WNK2: variants seen among roughly 807,000 people sequenced by gnomAD.
WNK2 encodes WNK lysine deficient protein kinase 2, also known as serine/threonine-protein kinase WNK2.
A neutral mutation model predicts 192.1 loss-of-function variants in WNK2; 67 were observed. That is an observed-to-expected ratio of 0.35 (90% CI 0.29 to 0.43). The LOEUF (loss-of-function observed/expected upper bound fraction) is 0.43. Among genes scored for constraint, WNK2 ranks in the 20% least tolerant of loss-of-function variants. WNK2 has a pLI of 1.00. For synonymous variants in WNK2, 1,439 were observed against 1,393.9 expected, an observed-to-expected ratio of 1.03 and a Z score of -0.72; for missense variants, 2,698 against 3,089.7, an observed-to-expected ratio of 0.87 and a Z score of 3.01.
chr9:93,185,805 C>T (rs572554540), intron 2 of WNK2, among the ~76,000 whole-genome samples, 195 bp downstream of exon 2: 13 of 152,178 alleles, frequency 8.5e-5, no homozygotes, highest in Non-Finnish European at 1.5e-4. Flanking sequence ...TGGCTGTGTC[C>T]GTGCGCAGGT....
At chr9:93,306,909 C>A in intron 27 of WNK2, 88 bp downstream of exon 27, 1 of 1,561,496 alleles carries the variant, frequency 6.4e-7, no homozygotes, top group Non-Finnish European at 8.8e-7. Context: ...CGCGGCCGGG[C>A]GGGCGTGGGC....
In WNK2 at chr9:93,247,778, A is replaced by T; in HGVS notation, c.1778A>T (p.Glu593Val). The change falls in exon 8 of 30, where the codon GAG (glutamate) becomes GTG (valine). Residue 593 changes from glutamate to valine, a missense_variant. Around this residue, in one of 7 missense-constraint regions of WNK2, gnomAD observed 893 missense variants for 909.0 expected, o/e 0.98. Transcript: ENST00000427277. This position sits in a 1 kb window ranked among gnomAD's most constrained non-coding sequence, Gnocchi z 5.2. ...GGGCCACCAGAGCCCGAGGAGCCGG[A>T]GGCCGACCAGCACCTCCTGCCACCT... ...QPGPPEPEEP[E>V]ADQHLLPPTL... The T allele has an allele frequency of 6.5e-7, 1 of 1,548,912 alleles. No homozygotes were observed. The highest frequency in any genetic ancestry group is 1.9e-5 in the Admixed American group (1 of 51,336).
At chr9:93,303,770 TC>T (rs1852005345) in intron 26 of WNK2, among the ~76,000 whole-genome samples, 1 of 152,188 alleles carries the variant, frequency 6.6e-6, no homozygotes, top group African/African-American at 2.4e-5. Flanking sequence ...GCCCCAGGTC[TC>T]CCTGGGCAGA....
At position 93,185,038 on chromosome 9, in the gene WNK2, G is replaced by C; in HGVS notation, c.109G>C (p.Gly37Arg). ...GCCTCGGGCGAAGGCGGCGCGGCCG[G>C]GGCCCCAGCGCTTTCTGCGGCGCAG... ...AEPRAKAARP[G>R]PQRFLRRSVV... The change falls in exon 2 of 30, where the codon GGG becomes CGG. Residue 37 changes from glycine to arginine, a missense_variant. Physicochemically the swap from Gly to Arg is moderately radical, Grantham distance 125 (BLOSUM62 -2). Around this residue, in one of 7 missense-constraint regions of WNK2, gnomAD observed 260 missense variants for 285.6 expected, o/e 0.91. Transcript: ENST00000427277. 1 of 1,276,116 alleles carries C rather than the reference G, an allele frequency of 7.8e-7. No homozygotes were observed. The highest frequency in any genetic ancestry group is 9.9e-7 in the Non-Finnish European group (1 of 1,012,828). 79.0% of individuals were successfully genotyped at this position (1,276,116 alleles called of 1,614,324 possible).
At chr9:93,220,168 G>A (rs1331615503) in intron 2 of WNK2, among the ~76,000 whole-genome samples, 1 of 152,184 alleles carries the variant, frequency 6.6e-6, no homozygotes, top group East Asian at 1.9e-4. Flanking sequence ...AGCCCACGAG[G>A]GTGTACACAG....
chr9:93,297,715 A>C, intron 23 of WNK2, 138 bp from the exon 24 acceptor site: 1 of 803,740 alleles, frequency 1.2e-6, no homozygotes, highest in Admixed American at 2.6e-5. Flanking sequence ...GCCGCTTTAG[A>C]GTGGCCCAGG....
At chr9:93,193,914 G>C (rs929834760) in intron 2 of WNK2, among the ~76,000 whole-genome samples, 4 of 152,290 alleles carry the variant, frequency 2.6e-5, no homozygotes, top group Middle Eastern at 3.4e-3. Context: ...CAGATGAGTT[G>C]ATCAATGGAA....
chr9:93,292,410 G>C lies in WNK2; in HGVS notation c.5025+14G>C. Reference sequence around the variant, plus strand: ...AGCGTCCCCCAGGTAAGGGCGACTTGACGACCCCCTGGCTGGTTGGCAGGG... The same window carrying C: ...AGCGTCCCCCAGGTAAGGGCGACTTCACGACCCCCTGGCTGGTTGGCAGGG... On this transcript the variant is annotated intron_variant, in intron 22 of 29. Coordinates refer to ENST00000427277, the MANE Select transcript of WNK2 (RefSeq NM_006648.4). 6.2e-7 allele frequency: 1 copy of C among 1,613,902 alleles called. No individual in the cohort carries two copies.
Position 93,185,270 on chromosome 9 carries a change from C to T in WNK2, c.341C>T (p.Ala114Val), listed in dbSNP as rs2130834104. ...GGAGCCCCCGGAGCCCCCGCGGACGCCGGCCCCGAGCCCGTGGGCACGCAG... is the reference window on the plus strand; with the variant it reads ...GGAGCCCCCGGAGCCCCCGCGGACGTCGGCCCCGAGCCCGTGGGCACGCAG... ...QPGAPGAPAD[A>V]GPEPVGTQEP... The change falls in exon 2 of 30, where the codon GCC (alanine) becomes GTC (valine). Residue 114 changes from alanine (A) to valine (V), a missense_variant. Coordinates refer to ENST00000427277, the MANE Select transcript of WNK2 (RefSeq NM_006648.4). 3 of 1,315,950 alleles carry T rather than the reference C, an allele frequency of 2.3e-6. No individual in the cohort carries two copies. The highest frequency in any genetic ancestry group is 2.1e-5 in the South Asian group (1 of 47,590). 81.5% of individuals were successfully genotyped at this position (1,315,950 alleles called of 1,614,324 possible).
chr9:93,285,673 A>G (rs1346310097), intron 19 of WNK2, among the ~76,000 whole-genome samples: 1 of 152,248 alleles, frequency 6.6e-6, no homozygotes, highest in Non-Finnish European at 1.5e-5. Flanking sequence ...GATTCTAACA[A>G]TTTCTAAATG....
intron 4 of WNK2, among the ~76,000 whole-genome samples, chr9:93,232,108 G>A (rs1024452485): frequency 2.0e-5 from 3 of 152,212 alleles, no homozygotes; most frequent in African/African-American, 4.8e-5. Context: ...TGCCCCCAAT[G>A]TGAGGGCAGG....
At chr9:93,208,935 C>T (rs1833977828) in intron 2 of WNK2, among the ~76,000 whole-genome samples, 1 of 152,010 alleles carries the variant, frequency 6.6e-6, no homozygotes, top group Non-Finnish European at 1.5e-5. Flanking sequence ...TGCAGCAGAG[C>T]CCCTCCCTCT....
At chr9:93,248,882 G>T (rs187969074) in intron 8 of WNK2, among the ~76,000 whole-genome samples, 15 of 152,278 alleles carry the variant, frequency 9.9e-5, no homozygotes, top group Admixed American at 9.2e-4. Flanking sequence ...GGACCTGCCC[G>T]GGCCAATATT....
intron 2 of WNK2, among the ~76,000 whole-genome samples, chr9:93,203,391 A>G (rs1053298315): frequency 6.6e-6 from 1 of 152,070 alleles, no homozygotes; most frequent in African/African-American, 2.4e-5. Context: ...GCGCCTGCTG[A>G]GTGAGGAGGT....
rs535721257 is a variant in WNK2 at position 93,262,097 on chromosome 9, C to A, written c.3350C>A (p.Pro1117Gln). Reference sequence around the variant, plus strand: ...CCAACTGTCCAGCTGACGGTGGAACCAGTCCAAGAGGTGTGTGCCCCTCCC... The same window carrying A: ...CCAACTGTCCAGCTGACGGTGGAACAAGTCCAAGAGGTGTGTGCCCCTCCC... Reference protein sequence around the residue: ...PCPTVQLTVEPVQEEQASQDK... With the variant: ...PCPTVQLTVEQVQEEQASQDK... The change falls in exon 13 of 30, where the codon CCA (proline) becomes CAA (glutamine). Residue 1117 changes from proline (P) to glutamine (Q), a missense_variant. Physicochemically the swap from Pro to Gln is moderately conservative, Grantham distance 76. Around this residue, in one of 7 missense-constraint regions of WNK2, gnomAD observed 893 missense variants for 909.0 expected, o/e 0.98. Transcript: ENST00000427277. 1 of 1,597,980 alleles carries A rather than the reference C, an allele frequency of 6.3e-7. No individual in the cohort carries two copies. Among genetic ancestry groups the A allele is most frequent in the Non-Finnish European group, 8.5e-7 (1 of 1,170,250 alleles).
At chr9:93,255,529 C>A (rs1390465825) in intron 9 of WNK2, among the ~76,000 whole-genome samples, 1 of 152,182 alleles carries the variant, frequency 6.6e-6, no homozygotes, top group Non-Finnish European at 1.5e-5. Context: ...AAGCACCCAC[C>A]GCGAAAGACA....
At chr9:93,273,237 A>G (rs1416183979) in intron 19 of WNK2, among the ~76,000 whole-genome samples, 2 of 152,252 alleles carry the variant, frequency 1.3e-5, no homozygotes, top group Non-Finnish European at 2.9e-5. Flanking sequence ...GGCTCATTGC[A>G]ACCTCTGCCT....
chr9:93,224,361 G>T (rs1480921051), intron 2 of WNK2, among the ~76,000 whole-genome samples: 2 of 152,332 alleles, frequency 1.3e-5, no homozygotes, highest in African/African-American at 2.4e-5. Context: ...GCCCTGAAGT[G>T]TCATAGGAGG....
At chr9:93,293,204 C>T (rs748856423) in intron 23 of WNK2, 31 bp downstream of exon 23, 203 of 1,413,764 alleles carry the variant, frequency 1.4e-4, no homozygotes, top group Admixed American at 1.9e-4. Flanking sequence ...GTGTTGCCCC[C>T]GCCCCTGGGC....
Sources: allele counts gnomAD v4.1 joint callset (sites outside exome capture counted in the v4.1 genomes callset), GRCh38; gene constraint gnomAD v4.1.1; regional missense constraint gnomAD v4.1.1; non-coding constraint Gnocchi (gnomAD v3.1); transcripts MANE v1.5; gene names NCBI Gene and HGNC (gene_info 2026-07-23, HGNC 2026-07-21).